Variants in ADGRL2 observed in about 807,000 individuals in gnomAD.
The protein encoded by ADGRL2 is adhesion G protein-coupled receptor L2.
In ADGRL2, 44 loss-of-function variants were observed where a neutral mutation model predicts 157.4. The ratio of observed to expected loss-of-function variants is 0.28; its 90% CI spans 0.22 to 0.36. The LOEUF is 0.36. Ranked by LOEUF, ADGRL2 falls within the 10% of genes least tolerant of loss-of-function variation. ADGRL2 has a pLI of 1.00. For synonymous variants in ADGRL2, 585 were observed against 624.7 expected, an observed-to-expected ratio of 0.94 and a Z score of 0.95; for missense variants, 1,510 against 1,768.9, an observed-to-expected ratio of 0.85 and a Z score of 2.63.
intron 2 of ADGRL2, among the ~76,000 whole-genome samples, chr1:81,556,866 A>C (rs527426492): frequency 2.0e-5 from 3 of 152,104 alleles, no homozygotes; most frequent in African/African-American, 7.2e-5. Flanking sequence ...TCACGAGGTC[A>C]GGAGTTTGAG....
chr1:81,586,236 A>G (rs1249267573), intron 3 of ADGRL2: 1 of 152,086 alleles, frequency 6.6e-6, no homozygotes, highest in Non-Finnish European at 1.5e-5. Context: ...CACAGGAAGA[A>G]GTAAAACATA....
chr1:81,422,305 T>C (rs2077139982), intron 1 of ADGRL2, among the ~76,000 whole-genome samples: 1 of 152,138 alleles, frequency 6.6e-6, no homozygotes. Context: ...AGTGCAATGG[T>C]ACGATCTCAG....
chr1:81,662,181 A>G (rs1389538152), intron 3 of ADGRL2, among the ~76,000 whole-genome samples: 1 of 152,126 alleles, frequency 6.6e-6, no homozygotes, highest in African/African-American at 2.4e-5. Flanking sequence ...AAGTTATTTT[A>G]AAGTGTACAA....
At chr1:81,736,089 A>G (rs2084889771) in intron 1 of ADGRL2, among the ~76,000 whole-genome samples, 1 of 149,330 alleles carries the variant, frequency 6.7e-6, no homozygotes, top group African/African-American at 2.5e-5. Context: ...GTTGCAGTGA[A>G]CCGAGATCAC....
chr1:81,975,970 A>G (rs1660093952), intron 17 of ADGRL2, among the ~76,000 whole-genome samples: 1 of 152,094 alleles, frequency 6.6e-6, no homozygotes, highest in Non-Finnish European at 1.5e-5. Context: ...AACAATATTT[A>G]TTCTATCAAA....
chr1:81,526,184 T>G (rs543382711), intron 2 of ADGRL2, among the ~76,000 whole-genome samples: 1 of 152,368 alleles, frequency 6.6e-6, no homozygotes, highest in South Asian at 2.1e-4. Flanking sequence ...GTGCATTTCA[T>G]TTAATATTTG....
intron 1 of ADGRL2, among the ~76,000 whole-genome samples, chr1:81,347,497 A>C (rs1235410505): frequency 6.6e-6 from 1 of 152,182 alleles, no homozygotes; most frequent in Non-Finnish European, 1.5e-5. Flanking sequence ...AAGGAGCTGG[A>C]CTGAATTGTT....
intron 3 of ADGRL2, among the ~76,000 whole-genome samples, chr1:81,657,974 A>C (rs2082570721): frequency 6.6e-6 from 1 of 152,230 alleles, no homozygotes; most frequent in African/African-American, 2.4e-5. Context: ...ATGGCAAGTC[A>C]AAAGGCTTAT....
At chr1:81,458,006 A>G (rs1202440422) in intron 2 of ADGRL2, among the ~76,000 whole-genome samples, 5 of 152,212 alleles carry the variant, frequency 3.3e-5, no homozygotes, top group Non-Finnish European at 7.3e-5. Context: ...AGCTACTATG[A>G]TGCTTTCACT....
At chr1:81,443,351 G>A (rs956545412) in intron 1 of ADGRL2, among the ~76,000 whole-genome samples, 1 of 151,956 alleles carries the variant, frequency 6.6e-6, no homozygotes, top group Non-Finnish European at 1.5e-5. Context: ...GAACCCAGGA[G>A]GCAGAGGTTG....
At chr1:81,928,294 A>T (rs2095154810) in intron 3 of ADGRL2, among the ~76,000 whole-genome samples, 1 of 152,112 alleles carries the variant, frequency 6.6e-6, no homozygotes, top group African/African-American at 2.4e-5. Flanking sequence ...ATGATACAAG[A>T]CTATATCCAA....
intron 22 of ADGRL2, 82 bp downstream of exon 22, chr1:81,987,111 A>G: frequency 6.7e-7 from 1 of 1,494,224 alleles, no homozygotes. Context: ...AAAATATTCA[A>G]GTTGTCATAT....
At chr1:81,420,356 T>C (rs1156749626) in intron 1 of ADGRL2, among the ~76,000 whole-genome samples, 1 of 152,218 alleles carries the variant, frequency 6.6e-6, no homozygotes, top group Non-Finnish European at 1.5e-5. Context: ...TATTCATCCA[T>C]CTATCTAAAT....
At chr1:81,803,253 A>G (rs2088575721) in intron 1 of ADGRL2, among the ~76,000 whole-genome samples, 2 of 152,060 alleles carry the variant, frequency 1.3e-5, no homozygotes, top group African/African-American at 4.8e-5. Context: ...ACCCTCAGGC[A>G]GAGGGGGCGA....
intron 2 of ADGRL2, among the ~76,000 whole-genome samples, chr1:81,519,934 T>C (rs1163517327): frequency 6.6e-6 from 1 of 152,224 alleles, no homozygotes; most frequent in Non-Finnish European, 1.5e-5. Context: ...GCATGTGGTA[T>C]AATTCTTGTC....
chr1:81,690,869 C>T lies in ADGRL2; in HGVS notation c.-142-70942C>T, dbSNP rs986952249. 3.9e-5 allele frequency among the ~76,000 whole-genome samples: 6 copies of T among 152,152 alleles called. No individual in the cohort carries two copies. The East Asian group carries it at 9.6e-4, about 24-fold the overall frequency. Reference sequence around the variant, plus strand: ...ATACGACTTCAAGAGGTTTATTTCCCGTTTGTAATCTAAACCTTATTGGGC... The same window carrying T: ...ATACGACTTCAAGAGGTTTATTTCCTGTTTGTAATCTAAACCTTATTGGGC... On this transcript the variant is annotated intron_variant, in intron 3 of 24. Transcript: ENST00000370721.
chr1:81,966,116 G>A lies in ADGRL2; in HGVS notation c.2076G>A (p.Leu692=). The change falls in exon 12 of 24, where the codon CTG becomes CTA. Residue 692 remains leucine (L), a synonymous_variant. Coordinates refer to ENST00000686636, the MANE Select transcript of ADGRL2 (RefSeq NM_001366006.2). ...AGATCCAAGACTTTAAATTTCCTCT[G>A]GGCATCAAAGGAGCAGGCAGCTCAA... ...EGQIQDFKFP[L]GIKGAGSSIQ... The A allele has an allele frequency of 1.9e-6, 3 of 1,613,932 alleles. No homozygotes were observed. The highest frequency in any genetic ancestry group is 2.5e-6 in the Non-Finnish European group (3 of 1,179,886).
Position 81,985,281 on chromosome 1 carries a change from A to G in ADGRL2, c.3434A>G (p.Asn1145Ser). ...GTQSRIRRMW[N>S]DTVRKQSESS... ...TAGAGTCGTATAAGAAGAATGTGGA[A>G]TGATACTGTGAGAAAACAATCAGAA... is the stretch of plus-strand genomic sequence containing the variant. The change falls in exon 21 of 24, where the codon AAT becomes AGT. Residue 1145 changes from asparagine to serine, a missense_variant. Asn to Ser is a conservative substitution (Grantham distance 46, BLOSUM62 1). Around this residue, in one of 4 missense-constraint regions of ADGRL2, gnomAD observed 497 missense variants for 627.2 expected, o/e 0.79. Coordinates refer to ENST00000686636, the MANE Select transcript of ADGRL2 (RefSeq NM_001366006.2). 1 of 1,600,494 alleles carries G rather than the reference A, an allele frequency of 6.2e-7. No individual in the cohort carries two copies. The highest frequency in any genetic ancestry group is 8.6e-7 in the Non-Finnish European group (1 of 1,169,202).
At chr1:81,950,597 T>C (rs1239854900) in intron 7 of ADGRL2, 115 bp downstream of exon 7, 2 of 1,004,288 alleles carry the variant, frequency 2.0e-6, no homozygotes, top group African/African-American at 3.3e-5. Flanking sequence ...ACTTTATTTT[T>C]GTACTTTGGT....
Sources: allele counts gnomAD v4.1 joint callset (sites outside exome capture counted in the v4.1 genomes callset), GRCh38; gene constraint gnomAD v4.1.1; regional missense constraint gnomAD v4.1.1; transcripts MANE v1.5; gene names NCBI Gene and HGNC (gene_info 2026-07-23, HGNC 2026-07-21).